LRCH1: variants seen among roughly 807,000 people sequenced by gnomAD.
LRCH1 encodes leucine-rich repeat and calponin homology domain-containing protein 1.
LRCH1 carries 23 observed loss-of-function variants against 94.9 expected under a neutral mutation model. The ratio of observed to expected loss-of-function variants is 0.24; its 90% confidence interval spans 0.17 to 0.34. The LOEUF (loss-of-function observed/expected upper bound fraction) is 0.34, where lower values mean the gene tolerates loss of function less well. LRCH1 is among the 10% of genes least tolerant of loss of function. The pLI, the probability that LRCH1 is intolerant of heterozygous loss-of-function variation, is 1.00. For missense variants in LRCH1, 790 were observed against 945.9 expected (o/e 0.84, Z 2.16); for synonymous variants, 364 against 354.9 (o/e 1.03, Z -0.29).
At chr13:46,750,455 C>T (rs1874078813) in intron 18 of LRCH1, 2 of 969,148 alleles carry the variant, frequency 2.1e-6, no homozygotes. Flanking sequence ...TTCAACCTAA[C>T]TTTGATGTCA....
chr13:46,597,515 C>T (rs1019140872), intron 1 of LRCH1, among the ~76,000 whole-genome samples: 1 of 152,094 alleles, frequency 6.6e-6, no homozygotes, highest in Non-Finnish European at 1.5e-5. Context: ...AGCCACCACG[C>T]CCGGCTAATT....
At position 46,744,815 on chromosome 13, in the gene LRCH1, A is replaced by G. The variant is rs7987481; in HGVS notation, c.*2967A>G. 55,160 of 983,244 alleles carry G rather than the reference A, an allele frequency of 0.056. 6,052 individuals are homozygous for G. Among genetic ancestry groups the G allele is most frequent in the African/African-American group, 0.43 (24,281 of 57,096 alleles). 60.9% of individuals were successfully genotyped at this position (983,244 alleles called of 1,614,324 possible). A position where few individuals can be genotyped will look rare whatever the true frequency, so the allele number is the denominator to read the frequency against. The stretch of plus-strand genomic sequence containing the variant: ...ATTAGGTGAAAAATACTTTAATATG[A>G]TTTTATTTCAGGAGACTTGATTTTT... On this transcript the variant is annotated 3_prime_UTR_variant, in exon 20 of 20. Transcript: ENST00000389797.
chr13:46,573,866 A>ATTTTTT (rs540821255), intron 1 of LRCH1, among the ~76,000 whole-genome samples: 49 of 63,326 alleles, frequency 7.7e-4, no homozygotes, highest in Non-Finnish European at 1.1e-3. Context: ...ATATATATAT[A>ATTTTTT]TTTTTTTTTT....
intron 1 of LRCH1, among the ~76,000 whole-genome samples, chr13:46,600,531 A>G (rs891300628): frequency 6.6e-6 from 1 of 151,912 alleles, no homozygotes; most frequent in Non-Finnish European, 1.5e-5. Context: ...TTTACTGCTG[A>G]GCCTAAGACA....
chr13:46,595,272 G>C (rs1235736829), intron 1 of LRCH1, among the ~76,000 whole-genome samples: 1 of 152,180 alleles, frequency 6.6e-6, no homozygotes, highest in Non-Finnish European at 1.5e-5. Context: ...GGTGCCAAGT[G>C]TTAGAAGAAA....
Position 46,705,313 on chromosome 13 carries a change from GC to G in LRCH1, c.1527+10del. 6.2e-7 allele frequency: 1 copy of G among 1,612,848 alleles called. No individual in the cohort carries two copies. Among genetic ancestry groups the G allele is most frequent in the Non-Finnish European group, 8.5e-7 (1 of 1,179,020 alleles). ...CATCTCCGGTGTGTGAGGTAAGGCT[GC>G]TGGTAGATTCACCAGAACTCTGTGC... On this transcript the variant is annotated intron_variant, in intron 13 of 19. Transcript: ENST00000389797.
chr13:46,693,434 A>C (rs1566230852), intron 8 of LRCH1, among the ~76,000 whole-genome samples: 1 of 152,090 alleles, frequency 6.6e-6, no homozygotes, highest in East Asian at 1.9e-4. Flanking sequence ...GTTTTTATGG[A>C]CTGGGTCTGG....
chr13:46,718,906 A>G (rs1275015098), intron 16 of LRCH1, among the ~76,000 whole-genome samples: 1 of 71,436 alleles, frequency 1.4e-5, no homozygotes, highest in South Asian at 3.8e-4. Context: ...TATTTTTCAT[A>G]TGAAGATGCA....
intron 1 of LRCH1, among the ~76,000 whole-genome samples, chr13:46,596,231 G>A (rs895938990): frequency 3.9e-5 from 6 of 152,160 alleles, no homozygotes. Context: ...GGTGAATTTT[G>A]AATGTTTCCT....
intron 1 of LRCH1, among the ~76,000 whole-genome samples, chr13:46,624,006 C>T (rs933100650): frequency 1.3e-5 from 2 of 152,034 alleles, no homozygotes; most frequent in Non-Finnish European, 2.9e-5. Context: ...GCCTCAGCCT[C>T]CTGAGCAGCT....
intron 2 of LRCH1, among the ~76,000 whole-genome samples, chr13:46,653,650 C>A (rs942888069): frequency 9.2e-5 from 14 of 151,830 alleles, no homozygotes; most frequent in African/African-American, 3.4e-4. Flanking sequence ...CATGTTGAAA[C>A]CCTGTCTCTA....
At chr13:46,612,134 A>G (rs2050754679) in intron 1 of LRCH1, among the ~76,000 whole-genome samples, 2 of 152,228 alleles carry the variant, frequency 1.3e-5, no homozygotes, top group Non-Finnish European at 2.9e-5. Flanking sequence ...TTATTGGTTA[A>G]TAGGTGCAGC....
chr13:46,656,659 C>T (rs1485792577), intron 2 of LRCH1, among the ~76,000 whole-genome samples: 2 of 152,238 alleles, frequency 1.3e-5, no homozygotes, highest in Non-Finnish European at 2.9e-5. Context: ...CCATTGGAGT[C>T]ATCCAGTGCA....
intron 2 of LRCH1, among the ~76,000 whole-genome samples, chr13:46,653,523 A>G (rs2051333085): frequency 6.6e-6 from 1 of 152,176 alleles, no homozygotes; most frequent in Admixed American, 6.5e-5. Context: ...ATGAGTATAA[A>G]TGTATAACAT....
intron 1 of LRCH1, among the ~76,000 whole-genome samples, chr13:46,611,632 G>A (rs946441852): frequency 1.3e-5 from 2 of 152,066 alleles, no homozygotes; most frequent in Non-Finnish European, 1.5e-5. Flanking sequence ...AAAATTTAAT[G>A]TCCAAGTTGA....
At chr13:46,682,918 G>T (rs191560971) in intron 4 of LRCH1, among the ~76,000 whole-genome samples, 243 of 152,314 alleles carry the variant, frequency 1.6e-3, no homozygotes, top group African/African-American at 5.5e-3. Context: ...CTCATAGGGG[G>T]TAGTGGATCT....
At chr13:46,615,093 A>G (rs1351494961) in intron 1 of LRCH1, among the ~76,000 whole-genome samples, 2 of 152,352 alleles carry the variant, frequency 1.3e-5, no homozygotes, top group East Asian at 3.9e-4. Context: ...TCTTATTCTT[A>G]AAAACGTTCA....
chr13:46,602,719 G>T (rs757601730), intron 1 of LRCH1, among the ~76,000 whole-genome samples: 1 of 152,150 alleles, frequency 6.6e-6, no homozygotes, highest in African/African-American at 2.4e-5. Context: ...TTGGGAGGCC[G>T]AGTTGGGTGG....
intron 2 of LRCH1, among the ~76,000 whole-genome samples, chr13:46,656,682 A>G (rs1040059792): frequency 2.0e-5 from 3 of 152,242 alleles, no homozygotes; most frequent in African/African-American, 4.8e-5. Flanking sequence ...CGCACGGCCA[A>G]CCATGTGGAG....
Sources: allele counts gnomAD v4.1 joint callset (sites outside exome capture counted in the v4.1 genomes callset), GRCh38; gene constraint gnomAD v4.1.1; transcripts MANE v1.5; gene names NCBI Gene and HGNC (gene_info 2026-07-23, HGNC 2026-07-21).